The following CSNK2A1 variants were observed in gnomAD, a reference collection of about 807,000 sequenced individuals.
CSNK2A1 encodes casein kinase II subunit alpha.
A neutral mutation model predicts 62.9 loss-of-function variants in CSNK2A1; 10 were observed. The observed-to-expected ratio is 0.16, with a 90% CI of 0.10 to 0.27. The LOEUF is 0.27. CSNK2A1 is among the 10% of genes least tolerant of loss of function. The pLI is 1.00. For synonymous variants in CSNK2A1, 124 were observed against 167.8 expected, an observed-to-expected ratio of 0.74 and a Z score of 2.02; for missense variants, 160 against 492.0, an observed-to-expected ratio of 0.33 and a Z score of 6.38.
At chr20:505,082 AT>A (rs1371722911) in intron 4 of CSNK2A1, 35 bp downstream of exon 4, 1 of 1,533,470 alleles carries the variant, frequency 6.5e-7, no homozygotes, top group Admixed American at 2.1e-5. Flanking sequence ...AAAAATCTAT[AT>A]TCCAAATACC....
chr20:528,579 C>T (rs1162513864), intron 1 of CSNK2A1, among the ~76,000 whole-genome samples: 1 of 150,296 alleles, frequency 6.7e-6, no homozygotes, highest in Non-Finnish European at 1.5e-5. Context: ...CTGTCCCCTG[C>T]TAATTAAATT....
intron 12 of CSNK2A1, 108 bp downstream of exon 12, chr20:487,319 G>T (rs1354251873): frequency 2.7e-6 from 4 of 1,499,378 alleles, no homozygotes; most frequent in Non-Finnish European, 3.7e-6. Flanking sequence ...CTGAGGCTCA[G>T]TGTGGGTGAA....
At chr20:519,241 T>C (rs1270630458) in intron 2 of CSNK2A1, among the ~76,000 whole-genome samples, 2 of 152,216 alleles carry the variant, frequency 1.3e-5, no homozygotes, top group Non-Finnish European at 2.9e-5. Flanking sequence ...CCCAGCCAGT[T>C]TGATATACTT....
chr20:515,213 A>C (rs1372461447), intron 2 of CSNK2A1, among the ~76,000 whole-genome samples: 1 of 152,222 alleles, frequency 6.6e-6, no homozygotes, highest in African/African-American at 2.4e-5. Context: ...TTTATGGTGT[A>C]AAATCAATAG....
At chr20:523,473 GAACT>G (rs1195672793) in intron 2 of CSNK2A1, among the ~76,000 whole-genome samples, 1 of 152,114 alleles carries the variant, frequency 6.6e-6, no homozygotes, top group African/African-American at 2.4e-5. Flanking sequence ...TAATAAAAAG[GAACT>G]AACCATTTAC....
rs564105582 is a variant in CSNK2A1 at position 511,795 on chromosome 20, G to A, written c.-109-3135C>T. ...GAGTTGCTTCCACAGCTTGGCTATT[G>A]TAAATAATGCTGCTATGAACATAGG... On this transcript the variant is annotated intron_variant, in intron 2 of 13. Coordinates refer to ENST00000217244, the MANE Select transcript of CSNK2A1 (RefSeq NM_177559.3). 2.0e-5 allele frequency among the ~76,000 whole-genome samples: 3 copies of A among 152,110 alleles called. No homozygotes were observed. The South Asian group carries it at 6.2e-4, about 32-fold the overall frequency.
At chr20:505,420 C>T (rs944693763) in intron 3 of CSNK2A1, among the ~76,000 whole-genome samples, 191 bp from the exon 4 acceptor site, 6 of 125,906 alleles carry the variant, frequency 4.8e-5, no homozygotes, top group African/African-American at 6.3e-5. Flanking sequence ...AGTGCAGTGG[C>T]GCGATCTCTG....
chr20:516,284 C>A (rs1448544426), intron 2 of CSNK2A1, among the ~76,000 whole-genome samples: 1 of 152,168 alleles, frequency 6.6e-6, no homozygotes, highest in Admixed American at 6.6e-5. Context: ...ACTACATCTA[C>A]CTTAACACCG....
intron 2 of CSNK2A1, among the ~76,000 whole-genome samples, chr20:523,284 G>C (rs1337990204): frequency 6.6e-6 from 1 of 151,980 alleles, no homozygotes; most frequent in African/African-American, 2.4e-5. Context: ...ATATGACCCA[G>C]CAATCCAACT....
intron 2 of CSNK2A1, among the ~76,000 whole-genome samples, chr20:514,454 A>T (rs2122588846): frequency 6.6e-6 from 1 of 152,104 alleles, no homozygotes; most frequent in South Asian, 2.1e-4. Context: ...GAGACAGGAG[A>T]CAGGGTCTTG....
At chr20:511,050 A>G (rs1055731843) in intron 2 of CSNK2A1, among the ~76,000 whole-genome samples, 1 of 152,122 alleles carries the variant, frequency 6.6e-6, no homozygotes, top group Non-Finnish European at 1.5e-5. Flanking sequence ...AATTGTGGTA[A>G]AATATACATA....
intron 1 of CSNK2A1, among the ~76,000 whole-genome samples, chr20:529,387 C>A (rs2019165815): frequency 6.6e-6 from 1 of 152,142 alleles, no homozygotes; most frequent in Non-Finnish European, 1.5e-5. Flanking sequence ...CTAGTACCAT[C>A]CAGCCCTGGA....
chr20:506,117 C>G (rs563244413), intron 3 of CSNK2A1: 46 of 151,164 alleles, frequency 3.0e-4, no homozygotes, highest in African/African-American at 1.1e-3. Flanking sequence ...ACCTTGTGAT[C>G]CGCCCGCCTT....
At chr20:539,330 G>A (rs1224501383) in intron 1 of CSNK2A1, 2 of 152,166 alleles carry the variant, frequency 1.3e-5, no homozygotes, top group African/African-American at 4.8e-5. Flanking sequence ...TTAGTTCCTT[G>A]CAGCTGTAGG....
Position 483,322 on chromosome 20 carries a change from T to C in CSNK2A1, c.*639A>G, listed in dbSNP as rs1329232684. The C allele has an allele frequency of 1.3e-5, 2 of 152,146 alleles. No homozygotes were observed. The highest frequency in any genetic ancestry group is 4.8e-5 in the African/African-American group (2 of 41,418). The allele number at this position is 152,146 out of a possible 1,614,324, so 9.4% of individuals were successfully genotyped here. A position where few individuals can be genotyped will look rare whatever the true frequency, so the allele number is the denominator to read the frequency against. ...ACTGAACAGAAGTTTTTAGTATCTG[T>C]CTGCATTTTGGGTAGATTTTCAACA... On this transcript the variant is annotated 3_prime_UTR_variant, in exon 14 of 14. Transcript: ENST00000217244.
chr20:511,918 T>C (rs2018729999), intron 2 of CSNK2A1, among the ~76,000 whole-genome samples: 1 of 152,212 alleles, frequency 6.6e-6, no homozygotes, highest in Non-Finnish European at 1.5e-5. Context: ...GTTAATTTTT[T>C]GAAGAACCAG....
chr20:490,030 C>CTT, intron 9 of CSNK2A1, 149 bp from the exon 10 acceptor site: 1 of 617,118 alleles, frequency 1.6e-6, no homozygotes, highest in Non-Finnish European at 2.5e-6. Context: ...TCTTTTTAGT[C>CTT]TTTCTTTTTT....
chr20:491,722 G>A (rs1291486134), intron 9 of CSNK2A1, among the ~76,000 whole-genome samples: 1 of 151,990 alleles, frequency 6.6e-6, no homozygotes, highest in Non-Finnish European at 1.5e-5. Context: ...AGGAGATCGA[G>A]ACCATCCTGG....
rs1305527736 is a variant in CSNK2A1, at chr20:474,826, A to G, written c.*9135T>C. ...CATTATGACTACGTAAATTCTAATCACAGCTGAACCAGCAGTATGATATTT... is the reference window on the plus strand; with the variant it reads ...CATTATGACTACGTAAATTCTAATCGCAGCTGAACCAGCAGTATGATATTT... On this transcript the variant is annotated 3_prime_UTR_variant, in exon 14 of 14. Transcript: ENST00000217244. The G allele has an allele frequency of 1.3e-5, 2 of 152,174 alleles. No individual in the cohort carries two copies. The highest frequency in any genetic ancestry group is 2.1e-4 in the South Asian group (1 of 4,826). 9.4% of individuals were successfully genotyped at this position (152,174 alleles called of 1,614,324 possible).
Sources: allele counts gnomAD v4.1 joint callset (sites outside exome capture counted in the v4.1 genomes callset), GRCh38; gene constraint gnomAD v4.1.1; transcripts MANE v1.5; gene names NCBI Gene and HGNC (gene_info 2026-07-23, HGNC 2026-07-21).